The following ITGAL variants were observed in gnomAD, a reference collection of about 807,000 sequenced individuals.
ITGAL encodes integrin alpha-L.
In ITGAL, 68 loss-of-function variants were observed where a neutral mutation model predicts 138.4. That is an observed-to-expected ratio of 0.49 (90% CI 0.40 to 0.60). ITGAL has a LOEUF of 0.60. Among genes scored for constraint, ITGAL ranks in the 20% least tolerant of loss-of-function variants. The pLI is 0.00. For synonymous variants in ITGAL, 561 were observed against 584.3 expected (o/e 0.96, Z 0.57); for missense variants, 1,256 against 1,478.6 (o/e 0.85, Z 2.47).
intron 29 of ITGAL, 150 bp from the exon 30 acceptor site, chr16:30,519,707 G>T (rs2051222720): frequency 1.5e-6 from 1 of 675,940 alleles, no homozygotes; most frequent in African/African-American, 1.8e-5. Context: ...ACTGCAATAG[G>T]TGACGTGTTA....
chr16:30,483,029 G>A (rs142076630), intron 7 of ITGAL: 1 of 152,296 alleles, frequency 6.6e-6, no homozygotes, highest in East Asian at 1.9e-4. Flanking sequence ...GTCTCGCTAT[G>A]TTGCCCAGAA....
In ITGAL at chr16:30,517,006, A is replaced by G; in HGVS notation, c.2896A>G (p.Ile966Val). 1 of 1,613,734 alleles carries G rather than the reference A, an allele frequency of 6.2e-7. No individual in the cohort carries two copies. Among genetic ancestry groups the G allele is most frequent in the Non-Finnish European group, 8.5e-7 (1 of 1,179,744 alleles). Residue 966 changes from isoleucine (I) to valine (V), a missense_variant, in exon 26 of 31, where the codon ATA becomes GTA. By Grantham distance (29) the Ile-to-Val change is conservative. Around this residue, in one of 3 missense-constraint regions of ITGAL, gnomAD observed 867 missense variants for 972.5 expected, o/e 0.89. Coordinates refer to ENST00000356798, the MANE Select transcript of ITGAL (RefSeq NM_002209.3). The stretch of plus-strand genomic sequence containing the variant: ...CCAGCCTTCCATCCACGACCACAAC[A>G]TACCCACCCTGGAGGCTGTGGTTGG... ...RIQPSIHDHN[I>V]PTLEAVVGVP...
intron 30 of ITGAL, among the ~76,000 whole-genome samples, chr16:30,520,623 G>T (rs1597113384): frequency 6.6e-6 from 1 of 152,226 alleles, no homozygotes; most frequent in East Asian, 1.9e-4. Context: ...TGCCATTGTG[G>T]CGCTCACAGT....
At position 30,496,116 on chromosome 16, in the gene ITGAL, CAG is replaced by C; in HGVS notation, c.1526_1527del (p.Glu509AlafsTer53). ...TCCTAGTTGGGGTTTGAAGAAGTCT[CAG>C]AGCTGCAGGGGGACCCCGGCTACCC... On this transcript the variant is annotated frameshift_variant, in exon 14 of 31. Coordinates refer to ENST00000356798, the MANE Select transcript of ITGAL (RefSeq NM_002209.3). LOFTEE classifies it high-confidence loss of function. 1.2e-6 allele frequency: 2 copies of C among 1,613,908 alleles called. No individual in the cohort carries two copies. Among genetic ancestry groups the C allele is most frequent in the Non-Finnish European group, 8.5e-7 (1 of 1,179,998 alleles).
chr16:30,503,795 C>T (rs1265686734), intron 17 of ITGAL: 2 of 163,410 alleles, frequency 1.2e-5, no homozygotes, highest in Non-Finnish European at 2.7e-5. Context: ...TGACTAAGAC[C>T]CAGCCCTATT....
chr16:30,505,226 C>T lies in ITGAL; in HGVS notation c.2236-18C>T. 1.3e-6 allele frequency: 2 copies of T among 1,579,268 alleles called. No homozygotes were observed. Among genetic ancestry groups the T allele is most frequent in the South Asian group, 1.1e-5 (1 of 87,494 alleles). Reference sequence around the variant, plus strand: ...TTAATCTCTCCTCTCTCCATCCTGCCCACTACCCCTCGCTCAGCAGGGCAA... The same window carrying T: ...TTAATCTCTCCTCTCTCCATCCTGCTCACTACCCCTCGCTCAGCAGGGCAA... On this transcript the variant is annotated intron_variant, in intron 18 of 30. Coordinates refer to ENST00000356798, the MANE Select transcript of ITGAL (RefSeq NM_002209.3).
intron 20 of ITGAL, among the ~76,000 whole-genome samples, chr16:30,505,664 T>C (rs1192141064): frequency 1.3e-5 from 2 of 151,830 alleles, no homozygotes; most frequent in Non-Finnish European, 2.9e-5. Context: ...GGAAGATTCG[T>C]TAAGGCCAAG....
intron 17 of ITGAL, among the ~76,000 whole-genome samples, chr16:30,501,328 C>T (rs562429944): frequency 2.0e-5 from 3 of 151,952 alleles, no homozygotes; most frequent in African/African-American, 7.2e-5. Context: ...GTAATCCCAG[C>T]ACTTTGGGAT....
intron 24 of ITGAL, among the ~76,000 whole-genome samples, chr16:30,512,991 G>A (rs530129847): frequency 2.0e-5 from 3 of 152,310 alleles, no homozygotes; most frequent in African/African-American, 7.2e-5. Context: ...GTAAGCCACC[G>A]CGCCTGGCCT....
intron 28 of ITGAL, 144 bp downstream of exon 28, chr16:30,518,039 A>C: frequency 1.5e-6 from 1 of 677,424 alleles, no homozygotes; most frequent in Non-Finnish European, 2.7e-6. Context: ...TCACAGGTGA[A>C]AGAGAACAAT....
intron 6 of ITGAL, chr16:30,480,867 C>A (rs189439649): frequency 3.9e-4 from 60 of 154,796 alleles, no homozygotes; most frequent in Non-Finnish European, 8.1e-4. Context: ...TGTGGTGGCA[C>A]GTGCCTGAAG....
In ITGAL at chr16:30,494,336, C is replaced by G. The variant is rs759205869; in HGVS notation, c.1338C>G (p.Ser446Arg). 6 of 1,612,072 alleles carry G rather than the reference C, an allele frequency of 3.7e-6. No individual in the cohort carries two copies. In the Admixed American group the frequency reaches 8.3e-5, roughly 22 times the overall value. Reference protein sequence around the residue: ...FQEPQGGGHWSQVQTIHGTQI... With the variant: ...FQEPQGGGHWRQVQTIHGTQI... ...AGCCACAGGGCGGAGGACACTGGAG[C>G]CAGGTCCAGACAATCCATGGGACCC... Residue 446 changes from serine (S) to arginine (R), a missense_variant, in exon 12 of 31, where the codon AGC becomes AGG. Transcript: ENST00000356798. The surrounding 1 kb of genome is among the most constrained non-coding windows in gnomAD (Gnocchi z 4.2).
chr16:30,517,047 C>A lies in ITGAL; in HGVS notation c.2937C>A (p.Pro979=). Reference sequence around the variant, plus strand: ...CTGTGGTTGGGGTGCCACAGCCTCCCAGCGAGGGGCCCATCACACACCAGT... The same window carrying A: ...CTGTGGTTGGGGTGCCACAGCCTCCAAGCGAGGGGCCCATCACACACCAGT... The part of the protein sequence containing the change: ...LEAVVGVPQP[P]SEGPITHQWS... The change falls in exon 26 of 31, where the codon CCC becomes CCA. Residue 979 remains proline, a synonymous_variant. Transcript: ENST00000356798. 6.2e-7 allele frequency: 1 copy of A among 1,613,222 alleles called. No homozygotes were observed. Among genetic ancestry groups the A allele is most frequent in the Non-Finnish European group, 8.5e-7 (1 of 1,179,450 alleles).
At chr16:30,518,416 T>C (rs1341066107) in intron 28 of ITGAL, among the ~76,000 whole-genome samples, 2 of 147,124 alleles carry the variant, frequency 1.4e-5, no homozygotes, top group East Asian at 4.0e-4. Flanking sequence ...ACCACTGCAC[T>C]CCAGCCTGGG....
At position 30,494,469 on chromosome 16, in the gene ITGAL, T is replaced by G; in HGVS notation, c.1365+106T>G. ...TCCACTTACCATGTGGCAGCCCCTG[T>G]GCTAAACATGATCACATTTATCCCT... On this transcript the variant is annotated intron_variant, in intron 12 of 30. Transcript: ENST00000356798. This position sits in a 1 kb window ranked among gnomAD's most constrained non-coding sequence, Gnocchi z 4.2. 1 of 1,253,770 alleles carries G rather than the reference T, an allele frequency of 8.0e-7. No homozygotes were observed. Among genetic ancestry groups the G allele is most frequent in the Non-Finnish European group, 1.1e-6 (1 of 914,334 alleles). The allele number at this position is 1,253,770 out of a possible 1,614,324, so 77.7% of individuals were successfully genotyped here. A position where few individuals can be genotyped will look rare whatever the true frequency, so the allele number is the denominator to read the frequency against.
intron 24 of ITGAL, 47 bp downstream of exon 24, chr16:30,511,183 C>T (rs761275827): frequency 1.4e-6 from 2 of 1,473,018 alleles, no homozygotes; most frequent in Non-Finnish European, 9.5e-7. Flanking sequence ...CCACCGCAGC[C>T]TCCCAACCCA....
chr16:30,494,270 C>A lies in ITGAL; in HGVS notation c.1272C>A (p.Ala424=), dbSNP rs1254936143. 1 of 1,613,048 alleles carries A rather than the reference C, an allele frequency of 6.2e-7. No homozygotes were observed. The highest frequency in any genetic ancestry group is 8.5e-7 in the Non-Finnish European group (1 of 1,179,330). ...RQKTSLLASG[A]PRYQHMGRVL... is the part of the protein sequence containing the mutation. Reference sequence around the variant, plus strand: ...AGACTTCGTTGCTGGCCTCGGGAGCCCCTCGATACCAGCACATGGGCCGAG... The same window carrying A: ...AGACTTCGTTGCTGGCCTCGGGAGCACCTCGATACCAGCACATGGGCCGAG... The change falls in exon 12 of 31, where the codon GCC becomes GCA. Residue 424 remains alanine, a synonymous_variant. Coordinates refer to ENST00000356798, the MANE Select transcript of ITGAL (RefSeq NM_002209.3). This position sits in a 1 kb window ranked among gnomAD's most constrained non-coding sequence, Gnocchi z 4.2.
chr16:30,508,513 G>A (rs978353227), intron 21 of ITGAL, among the ~76,000 whole-genome samples: 2 of 152,076 alleles, frequency 1.3e-5, no homozygotes, highest in East Asian at 1.9e-4. Context: ...GCACCCAACC[G>A]AATTATTCTT....
chr16:30,490,096 G>T (rs187924154), intron 11 of ITGAL, among the ~76,000 whole-genome samples: 1 of 151,740 alleles, frequency 6.6e-6, no homozygotes, highest in African/African-American at 2.4e-5. Flanking sequence ...GCATGATGGC[G>T]GGTGCCTTTA....
Sources: allele counts gnomAD v4.1 joint callset (sites outside exome capture counted in the v4.1 genomes callset), GRCh38; gene constraint gnomAD v4.1.1; regional missense constraint gnomAD v4.1.1; non-coding constraint Gnocchi (gnomAD v3.1); transcripts MANE v1.5; gene names NCBI Gene and HGNC (gene_info 2026-07-23, HGNC 2026-07-21).